The following FAM135B variants were observed in gnomAD, a reference collection of about 807,000 sequenced individuals.
FAM135B encodes family with sequence similarity 135 member B, also known as protein FAM135B.
A neutral mutation model predicts 127.7 loss-of-function variants in FAM135B; 43 were observed. That is an observed-to-expected ratio of 0.34 (90% CI 0.26 to 0.43). FAM135B has a LOEUF of 0.43. FAM135B is among the 20% of genes least tolerant of loss of function. FAM135B has a pLI of 1.00. For missense variants in FAM135B, 1,558 were observed against 1,725.6 expected, an observed-to-expected ratio of 0.90 and a Z score of 1.72; for synonymous variants, 670 against 665.1, an observed-to-expected ratio of 1.01 and a Z score of -0.11.
At position 138,139,197 on chromosome 8, in the gene FAM135B, T is replaced by C. The variant is rs893427116; in HGVS notation, c.3791-101A>G. The C allele has an allele frequency of 2.6e-5, 18 of 691,964 alleles. No homozygotes were observed. In the African/African-American group the frequency reaches 3.1e-4, roughly 12 times the overall value. 42.9% of individuals were successfully genotyped at this position (691,964 alleles called of 1,614,324 possible). A position where few individuals can be genotyped will look rare whatever the true frequency, so the allele number is the denominator to read the frequency against. On this transcript the variant is annotated intron_variant, in intron 17 of 19. Transcript: ENST00000395297. ...GATGAACGTTAAACTGAATTTTAGT[T>C]AACTTGAAAATAAGAGAGAAGTAGG...
At chr8:138,295,385 G>A (rs184015476) in intron 3 of FAM135B, among the ~76,000 whole-genome samples, 17 of 152,200 alleles carry the variant, frequency 1.1e-4, no homozygotes, top group Admixed American at 9.8e-4. Context: ...ATGGGTGCCG[G>A]CCTTGATGAA....
intron 3 of FAM135B, chr8:138,309,162 T>C (rs960959367): frequency 6.6e-5 from 21 of 319,964 alleles, no homozygotes; most frequent in African/African-American, 3.9e-4. Context: ...TGTACACATA[T>C]GGACACTGGT....
At chr8:138,479,545 T>C (rs1250378296) in intron 1 of FAM135B, among the ~76,000 whole-genome samples, 1 of 152,198 alleles carries the variant, frequency 6.6e-6, no homozygotes, top group Non-Finnish European at 1.5e-5. Context: ...TATAAACGTT[T>C]TAGGAGCTCT....
At chr8:138,280,556 C>T (rs1288974012) in intron 3 of FAM135B, among the ~76,000 whole-genome samples, 2 of 152,144 alleles carry the variant, frequency 1.3e-5, no homozygotes, top group African/African-American at 4.8e-5. Context: ...TGCTATTATG[C>T]GGCTGTTTAT....
chr8:138,211,147 G>A (rs1356814795), intron 7 of FAM135B, among the ~76,000 whole-genome samples: 1 of 152,188 alleles, frequency 6.6e-6, no homozygotes, highest in Non-Finnish European at 1.5e-5. Context: ...ATCACTAAAC[G>A]ACATGGGAGA....
intron 11 of FAM135B, among the ~76,000 whole-genome samples, chr8:138,175,101 T>G (rs1251824562): frequency 6.6e-6 from 1 of 152,210 alleles, no homozygotes; most frequent in African/African-American, 2.4e-5. Context: ...GTTACAGAAT[T>G]AAGATTTCAA....
At chr8:138,395,826 C>A (rs905480293) in intron 1 of FAM135B, among the ~76,000 whole-genome samples, 2 of 152,198 alleles carry the variant, frequency 1.3e-5, no homozygotes. Flanking sequence ...ATGGTCTCTG[C>A]TGTTAATTAT....
Position 138,497,182 on chromosome 8 carries a change from G to A in FAM135B, c.-531C>T, listed in dbSNP as rs1230449010. ...CCGCGCCGCGCCGCGCGCCCTCGCG[G>A]CCGGGAGAGCCCGCCCTGCTGCTCC... On this transcript the variant is annotated 5_prime_UTR_variant, in exon 1 of 20. Transcript: ENST00000395297. 1.3e-5 allele frequency among the ~76,000 whole-genome samples: 2 copies of A among 151,184 alleles called. No homozygotes were observed. Among genetic ancestry groups the A allele is most frequent in the Admixed American group, 6.6e-5 (1 of 15,180 alleles).
At chr8:138,443,003 C>T (rs533170045) in intron 1 of FAM135B, among the ~76,000 whole-genome samples, 2 of 152,046 alleles carry the variant, frequency 1.3e-5, no homozygotes, top group Non-Finnish European at 2.9e-5. Flanking sequence ...GGATTACAAC[C>T]CCAGTGAGGC....
chr8:138,160,879 C>A (rs987559679), intron 12 of FAM135B, among the ~76,000 whole-genome samples: 3 of 152,150 alleles, frequency 2.0e-5, no homozygotes, highest in Non-Finnish European at 2.9e-5. Flanking sequence ...AATATCAAAG[C>A]ATTTCTCCAT....
chr8:138,396,110 C>G (rs1832837623), intron 1 of FAM135B, among the ~76,000 whole-genome samples: 1 of 152,172 alleles, frequency 6.6e-6, no homozygotes, highest in Non-Finnish European at 1.5e-5. Context: ...CTGGAAAGAG[C>G]ATGAGCTTTG....
intron 3 of FAM135B, among the ~76,000 whole-genome samples, chr8:138,293,369 C>T (rs1825256219): frequency 6.6e-6 from 1 of 151,972 alleles, no homozygotes; most frequent in African/African-American, 2.4e-5. Flanking sequence ...AGAACCCAAA[C>T]ACAAATGTTA....
chr8:138,441,181 A>G (rs771038518), intron 1 of FAM135B: 1 of 152,232 alleles, frequency 6.6e-6, no homozygotes, highest in Non-Finnish European at 1.5e-5. Flanking sequence ...AGCACTGGAG[A>G]GTAAACAGAG....
At chr8:138,285,451 C>T (rs900886816) in intron 3 of FAM135B, among the ~76,000 whole-genome samples, 1 of 152,024 alleles carries the variant, frequency 6.6e-6, no homozygotes, top group Non-Finnish European at 1.5e-5. Context: ...CTGGCCTTGG[C>T]TCTACTGATT....
intron 1 of FAM135B, among the ~76,000 whole-genome samples, chr8:138,429,982 T>C (rs1278651916): frequency 1.3e-5 from 2 of 152,182 alleles, no homozygotes; most frequent in South Asian, 4.1e-4. Flanking sequence ...TTTTGTTTTA[T>C]GCAAAACTCT....
intron 9 of FAM135B, among the ~76,000 whole-genome samples, chr8:138,190,794 T>C (rs1442427469): frequency 1.3e-5 from 2 of 152,218 alleles, no homozygotes; most frequent in Non-Finnish European, 2.9e-5. Flanking sequence ...CTCCCTTGTA[T>C]TGATTCCAGG....
intron 7 of FAM135B, among the ~76,000 whole-genome samples, chr8:138,208,134 T>A (rs1322524033): frequency 6.6e-6 from 1 of 152,174 alleles, no homozygotes; most frequent in Non-Finnish European, 1.5e-5. Flanking sequence ...AAGCCTCCTA[T>A]CACCCAGGGT....
chr8:138,362,433 T>C (rs1446477388), intron 2 of FAM135B, among the ~76,000 whole-genome samples: 1 of 152,132 alleles, frequency 6.6e-6, no homozygotes, highest in Non-Finnish European at 1.5e-5. Context: ...AGTGACCCTT[T>C]AATTTATGAG....
rs202046414 is a variant in FAM135B at position 138,151,968 on chromosome 8, G to A, written c.2507C>T (p.Ala836Val). 1.1e-4 allele frequency: 182 copies of A among 1,613,942 alleles called. No individual in the cohort carries two copies. The highest frequency in any genetic ancestry group is 1.0e-4 in the Non-Finnish European group (120 of 1,180,030). Residue 836 changes from alanine (A) to valine (V), a missense_variant, in exon 13 of 20, where the codon GCT becomes GTT. Physicochemically the swap from Ala to Val is moderately conservative, Grantham distance 64. Coordinates refer to ENST00000395297, the MANE Select transcript of FAM135B (RefSeq NM_015912.4). ...DHPLVEIVLD[A>V]DNQQGPGYID... ...GTATCCGGGGCCCTGCTGGTTGTCA[G>A]CATCTAAAACTATCTCCACCAGGGG...
Sources: gnomAD v4.1 joint callset for allele counts (sites outside exome capture counted in the v4.1 genomes callset) on GRCh38, gnomAD v4.1.1 for gene constraint, MANE v1.5 for transcripts, NCBI Gene and HGNC (gene_info 2026-07-23, HGNC 2026-07-21) for gene names.